ST8SIA5: variants seen among roughly 807,000 people sequenced by gnomAD.
The protein encoded by ST8SIA5 is alpha-2,8-sialyltransferase 8E.
A neutral mutation model predicts 40.2 loss-of-function variants in ST8SIA5; 24 were observed. The ratio of observed to expected loss-of-function variants is 0.60; its 90% CI spans 0.43 to 0.84. The LOEUF is 0.84. ST8SIA5 is among the 40% of genes least tolerant of loss of function. ST8SIA5 has a pLI of 0.00. For synonymous variants in ST8SIA5, 198 were observed against 201.8 expected (o/e 0.98, Z 0.16); for missense variants, 465 against 498.5 (o/e 0.93, Z 0.64).
intron 4 of ST8SIA5, 39 bp downstream of exon 4, chr18:46,688,736 C>A: frequency 6.3e-7 from 1 of 1,585,612 alleles, no homozygotes; most frequent in East Asian, 2.2e-5. Flanking sequence ...TGGATTGGCT[C>A]CCTCGCCCCA....
chr18:46,671,035 C>T lies in ST8SIA5; in HGVS notation c.*9007G>A, dbSNP rs1486936157. On this transcript the variant is annotated 3_prime_UTR_variant, in exon 7 of 7. Coordinates refer to ENST00000315087, the MANE Select transcript of ST8SIA5 (RefSeq NM_013305.6). ...TTTTCAGGGGCTCAAAATTATTTTC[C>T]TTCAACTGAGTCCTCAGTTACCTGG... 1 of 152,170 alleles carries T rather than the reference C, an allele frequency of 6.6e-6. No homozygotes were observed. The highest frequency in any genetic ancestry group is 2.4e-5 in the African/African-American group (1 of 41,428). The allele number at this position is 152,170 out of a possible 1,614,324, so 9.4% of individuals were successfully genotyped here.
chr18:46,721,620 A>T (rs143726040), intron 1 of ST8SIA5, among the ~76,000 whole-genome samples: 30 of 152,336 alleles, frequency 2.0e-4, no homozygotes, highest in African/African-American at 7.2e-4. Flanking sequence ...AACCATGAGG[A>T]TGGTGATCAT....
intron 1 of ST8SIA5, among the ~76,000 whole-genome samples, chr18:46,753,778 G>A (rs185413554): frequency 2.0e-5 from 3 of 152,088 alleles, no homozygotes; most frequent in Non-Finnish European, 2.9e-5. Context: ...CCTCTCCCCA[G>A]TGTGAATGCC....
intron 1 of ST8SIA5, among the ~76,000 whole-genome samples, chr18:46,727,756 G>A (rs9952976): frequency 0.74 from 112,476 of 152,006 alleles, 41,930 homozygotes; most frequent in East Asian, 1. Flanking sequence ...GCCCAAGCCC[G>A]GCGTCAGGGC....
chr18:46,710,659 G>GC (rs34075230), intron 1 of ST8SIA5, among the ~76,000 whole-genome samples: 140,109 of 151,114 alleles, frequency 0.93, 65,049 homozygotes, highest in Non-Finnish European at 0.95. Context: ...TCCCGAAGAG[G>GC]CTCCTTTCAG....
At chr18:46,709,471 A>G (rs1287042375) in intron 1 of ST8SIA5, among the ~76,000 whole-genome samples, 3 of 152,204 alleles carry the variant, frequency 2.0e-5, no homozygotes, top group East Asian at 1.9e-4. Context: ...AAGAACTAAG[A>G]TAGGAAATAA....
chr18:46,739,147 A>G lies in ST8SIA5; in HGVS notation c.131+17231T>C, dbSNP rs192457496. On this transcript the variant is annotated intron_variant, in intron 1 of 6. Transcript: ENST00000315087. ...AGAACACCGTGGGCTGAGACCAGAA[A>G]GAGAAGCAGGATTTGGACTGAAAGA... 1.7e-4 allele frequency among the ~76,000 whole-genome samples: 26 copies of G among 152,302 alleles called. No individual in the cohort carries two copies. In the East Asian group the frequency reaches 4.1e-3, roughly 24 times the overall value.
In ST8SIA5 at chr18:46,672,836, G is replaced by A. The variant is rs2039317270; in HGVS notation, c.*7206C>T. The A allele has an allele frequency of 6.6e-6, 1 of 152,092 alleles. No individual in the cohort carries two copies. Among genetic ancestry groups the A allele is most frequent in the African/African-American group, 2.4e-5 (1 of 41,390 alleles). The allele number at this position is 152,092 out of a possible 1,614,324, so 9.4% of individuals were successfully genotyped here. Reference sequence around the variant, plus strand: ...CGACCAGCCCAGGACAACTGCCCAAGGCAAAAACAAAAACAAAAATCAGAT... The same window carrying A: ...CGACCAGCCCAGGACAACTGCCCAAAGCAAAAACAAAAACAAAAATCAGAT... On this transcript the variant is annotated 3_prime_UTR_variant, in exon 7 of 7. Transcript: ENST00000315087.
At chr18:46,689,252 T>A (rs1393808806) in intron 3 of ST8SIA5, among the ~76,000 whole-genome samples, 1 of 152,026 alleles carries the variant, frequency 6.6e-6, no homozygotes, top group Admixed American at 6.5e-5. Flanking sequence ...CCAGGCTTCT[T>A]TCCATGAAGC....
At chr18:46,692,326 C>A in intron 2 of ST8SIA5, 71 bp from the exon 3 acceptor site, 1 of 1,431,868 alleles carries the variant, frequency 7.0e-7, no homozygotes, top group Non-Finnish European at 9.8e-7. Context: ...CCCAGAAATG[C>A]TCCCTCCTGA....
Position 46,725,975 on chromosome 18 carries a change from ATATATATATAT to A in ST8SIA5, c.132-21322_132-21312del, listed in dbSNP as rs2039918638. 1.2e-3 allele frequency among the ~76,000 whole-genome samples: 32 copies of A among 27,146 alleles called. 2 individuals are homozygous for A. The East Asian group carries it at 0.025, about 21-fold the overall frequency. The allele number at this position is 27,146 out of a possible 152,430, so 17.8% of individuals were successfully genotyped here. On this transcript the variant is annotated intron_variant, in intron 1 of 6. Transcript: ENST00000315087. ...ATCTCTACTTAAAAAAAAAAAAAAT[ATATATATATAT>A]ATATATATATATATATATATATATC... is the stretch of plus-strand genomic sequence containing the variant.
At chr18:46,753,580 A>C (rs1183947959) in intron 1 of ST8SIA5, among the ~76,000 whole-genome samples, 1 of 151,966 alleles carries the variant, frequency 6.6e-6, no homozygotes. Flanking sequence ...CTCAGAAAAA[A>C]AAAAAAAAGA....
chr18:46,745,234 A>G (rs1213591448), intron 1 of ST8SIA5, among the ~76,000 whole-genome samples: 1 of 152,206 alleles, frequency 6.6e-6, no homozygotes, highest in Non-Finnish European at 1.5e-5. Context: ...ACTGAAGGAG[A>G]TAGAGACACA....
intron 6 of ST8SIA5, 65 bp downstream of exon 6, chr18:46,681,907 A>G (rs2039399950): frequency 6.5e-7 from 1 of 1,531,310 alleles, no homozygotes. Flanking sequence ...TCCAGTGCCC[A>G]GTAGCCGCAT....
At position 46,668,932 on chromosome 18, in the gene ST8SIA5, C is replaced by T. The variant is rs375345513; in HGVS notation, c.*11110G>A. On this transcript the variant is annotated 3_prime_UTR_variant, in exon 7 of 7. Transcript: ENST00000315087. ...ACTTGGGACCCCTCCAGCTGCCTCC[C>T]ACATGGCCAGAGCAGCAGGGGGCCA... The T allele has an allele frequency of 6.6e-6, 1 of 152,516 alleles. No homozygotes were observed. The highest frequency in any genetic ancestry group is 6.5e-5 in the Admixed American group (1 of 15,290). The allele number at this position is 152,516 out of a possible 1,614,324, so 9.4% of individuals were successfully genotyped here.
rs1267483897 is a variant in ST8SIA5 at position 46,670,105 on chromosome 18, A to G, written c.*9937T>C. On this transcript the variant is annotated 3_prime_UTR_variant, in exon 7 of 7. Transcript: ENST00000315087. ...AAGAGTGAGTTTACCCATCTCGCCT[A>G]TCCTTCATCATCAGATCATCAACCG... is the stretch of plus-strand genomic sequence containing the variant. 2 of 151,850 alleles carry G rather than the reference A, an allele frequency of 1.3e-5. No individual in the cohort carries two copies. Among genetic ancestry groups the G allele is most frequent in the African/African-American group, 4.8e-5 (2 of 41,318 alleles). 9.4% of individuals were successfully genotyped at this position (151,850 alleles called of 1,614,324 possible).
In ST8SIA5 at chr18:46,678,413, C is replaced by G. The variant is rs749180822; in HGVS notation, c.*1629G>C. 2.6e-5 allele frequency: 4 copies of G among 152,356 alleles called. No individual in the cohort carries two copies. In the East Asian group the frequency reaches 5.8e-4, roughly 22 times the overall value. The allele number at this position is 152,356 out of a possible 1,614,324, so 9.4% of individuals were successfully genotyped here. ...AAGCCTGCACTCTCCACGTCCCTGA[C>G]TGGCTCAGCCGGGGGGCCTGTCAAA... is the stretch of plus-strand genomic sequence containing the variant. On this transcript the variant is annotated 3_prime_UTR_variant, in exon 7 of 7. Transcript: ENST00000315087.
intron 1 of ST8SIA5, among the ~76,000 whole-genome samples, chr18:46,716,137 T>TAG (rs1305349003): frequency 3.3e-5 from 5 of 150,434 alleles, no homozygotes; most frequent in Admixed American, 1.3e-4. Flanking sequence ...GATAGATAGA[T>TAG]ATAGTGCTCC....
chr18:46,687,380 C>A (rs891850003), intron 4 of ST8SIA5, among the ~76,000 whole-genome samples: 1 of 152,216 alleles, frequency 6.6e-6, no homozygotes, highest in Non-Finnish European at 1.5e-5. Flanking sequence ...AAAACAGTTA[C>A]CGCCTGGCAC....
Sources: gnomAD v4.1 joint callset for allele counts (sites outside exome capture counted in the v4.1 genomes callset) on GRCh38, gnomAD v4.1.1 for gene constraint, MANE v1.5 for transcripts, NCBI Gene and HGNC (gene_info 2026-07-23, HGNC 2026-07-21) for gene names.